The following CENPP variants were observed in gnomAD, a reference collection of about 807,000 sequenced individuals.
CENPP encodes the protein centromere protein P.
A neutral mutation model predicts 35.6 loss-of-function variants in CENPP; 24 were observed. That is an observed-to-expected ratio of 0.67 (90% CI 0.49 to 0.95). CENPP has a LOEUF of 0.95. Among genes scored for constraint, CENPP ranks in the 40% least tolerant of loss-of-function variants. CENPP has a pLI of 0.00. For synonymous variants in CENPP, 120 were observed against 125.5 expected, an observed-to-expected ratio of 0.96 and a Z score of 0.29; for missense variants, 332 against 345.3, an observed-to-expected ratio of 0.96 and a Z score of 0.31.
At chr9:92,505,689 G>C (rs774596403) in intron 5 of CENPP, 1 of 1,565,140 alleles carries the variant, frequency 6.4e-7, no homozygotes, top group Non-Finnish European at 8.6e-7. Flanking sequence ...ACTGATTTAA[G>C]TCTATAAAAA....
chr9:92,403,275 G>A, intron 5 of CENPP: 1 of 1,603,354 alleles, frequency 6.2e-7, no homozygotes, highest in Non-Finnish European at 8.5e-7. Flanking sequence ...TCATAATCTT[G>A]GCTAAATATG....
At chr9:92,553,166 T>C (rs10120329) in intron 5 of CENPP, among the ~76,000 whole-genome samples, 74,263 of 151,960 alleles carry the variant, frequency 0.49, 21,601 homozygotes, top group African/African-American at 0.81. Context: ...GTTGAAAAGG[T>C]TGTCCTTTCC....
chr9:92,446,014 C>T (rs1403980256), intron 5 of CENPP, among the ~76,000 whole-genome samples: 3 of 151,958 alleles, frequency 2.0e-5, no homozygotes, highest in African/African-American at 2.4e-5. Flanking sequence ...TTTCTACTTT[C>T]GCTTCTGTCA....
intron 5 of CENPP, chr9:92,522,653 A>T: frequency 1.2e-6 from 2 of 1,614,024 alleles, no homozygotes; most frequent in South Asian, 2.2e-5. Flanking sequence ...CTATAATCAA[A>T]GTTAACAATA....
At chr9:92,369,053 A>G (rs1252736925) in intron 4 of CENPP, among the ~76,000 whole-genome samples, 2 of 152,188 alleles carry the variant, frequency 1.3e-5, no homozygotes, top group Non-Finnish European at 2.9e-5. Context: ...CTAAAAATAA[A>G]TAAATGGGAG....
chr9:92,348,393 CT>C (rs201975799), intron 4 of CENPP, among the ~76,000 whole-genome samples: 9,380 of 141,182 alleles, frequency 0.066, 698 homozygotes, highest in East Asian at 0.41. Flanking sequence ...CTTCCTATAA[CT>C]TTTTTTTTTT....
At chr9:92,575,674 T>C in intron 5 of CENPP, among the ~76,000 whole-genome samples, 1 of 152,218 alleles carries the variant, frequency 6.6e-6, no homozygotes, top group South Asian at 2.1e-4. Flanking sequence ...TAGCTGGGCA[T>C]GATGGCGTAC....
intron 5 of CENPP, chr9:92,496,117 C>G (rs1353496844): frequency 1.7e-6 from 2 of 1,209,716 alleles, no homozygotes; most frequent in Non-Finnish European, 2.1e-6. Flanking sequence ...GAGATTTTAC[C>G]TTTACTATTA....
intron 3 of CENPP, among the ~76,000 whole-genome samples, chr9:92,343,780 T>TA (rs1841194539): frequency 6.6e-6 from 1 of 151,870 alleles, no homozygotes; most frequent in South Asian, 2.1e-4. Flanking sequence ...ACCCTGTCTC[T>TA]AAAAAATATA....
intron 5 of CENPP, among the ~76,000 whole-genome samples, chr9:92,592,611 C>T (rs756665945): frequency 9.9e-5 from 15 of 152,260 alleles, no homozygotes; most frequent in South Asian, 4.1e-4. Context: ...ATTGGGAACA[C>T]GTGTGCAGAT....
At chr9:92,493,194 G>A (rs1402172568) in intron 5 of CENPP, among the ~76,000 whole-genome samples, 1 of 152,166 alleles carries the variant, frequency 6.6e-6, no homozygotes, top group African/African-American at 2.4e-5. Flanking sequence ...AACACTTTCT[G>A]ATGAGAGCAA....
intron 5 of CENPP, chr9:92,464,646 A>T (rs1845237918): frequency 3.6e-6 from 2 of 551,054 alleles, no homozygotes; most frequent in Non-Finnish European, 6.9e-6. Context: ...GACAGGTATA[A>T]ATGAGTAAAT....
chr9:92,387,053 G>GA (rs903436031), intron 5 of CENPP, among the ~76,000 whole-genome samples: 4,559 of 50,212 alleles, frequency 0.091, 114 homozygotes, highest in Middle Eastern at 0.14. Context: ...GTCTCAAAAA[G>GA]AAAAAAAAAA....
intron 5 of CENPP, among the ~76,000 whole-genome samples, chr9:92,380,282 C>T (rs563558465): frequency 6.6e-6 from 1 of 152,264 alleles, no homozygotes; most frequent in South Asian, 2.1e-4. Context: ...CTGATTCTTG[C>T]GAAGTAATGC....
intron 5 of CENPP, among the ~76,000 whole-genome samples, chr9:92,467,936 A>G (rs924058162): frequency 6.6e-6 from 1 of 152,222 alleles, no homozygotes; most frequent in Admixed American, 6.5e-5. Flanking sequence ...TTACACTGAA[A>G]AATGAGGTGA....
intron 5 of CENPP, among the ~76,000 whole-genome samples, chr9:92,586,106 C>T (rs919609742): frequency 2.6e-5 from 4 of 152,120 alleles, no homozygotes; most frequent in African/African-American, 9.7e-5. Flanking sequence ...AGCGCAATGG[C>T]GCAATCTCGG....
chr9:92,523,407 T>TG (rs796188431), intron 5 of CENPP, among the ~76,000 whole-genome samples: 5 of 152,196 alleles, frequency 3.3e-5, no homozygotes, highest in African/African-American at 1.2e-4. Flanking sequence ...GACAATATGT[T>TG]GGGGACCAGC....
At chr9:92,536,667 A>T (rs1849178957) in intron 5 of CENPP, 1 of 152,292 alleles carries the variant, frequency 6.6e-6, no homozygotes, top group Non-Finnish European at 1.5e-5. Context: ...GAGAAGTTAG[A>T]GACAGATCAG....
intron 5 of CENPP, among the ~76,000 whole-genome samples, chr9:92,428,632 C>T (rs1176961060): frequency 6.9e-6 from 1 of 144,362 alleles, no homozygotes; most frequent in Admixed American, 6.9e-5. Flanking sequence ...TATGTTCATA[C>T]ATCTCCAAGC....
Sources: gnomAD v4.1 joint callset for allele counts (sites outside exome capture counted in the v4.1 genomes callset) on GRCh38, gnomAD v4.1.1 for gene constraint, MANE v1.5 for transcripts, NCBI Gene and HGNC (gene_info 2026-07-23, HGNC 2026-07-21) for gene names.